Variants in CLDN16 observed in about 807,000 individuals in gnomAD.
The protein encoded by CLDN16 is claudin 16.
CLDN16 carries 13 observed loss-of-function variants against 24.6 expected under a neutral mutation model. The observed-to-expected ratio is 0.53, with a 90% CI of 0.34 to 0.84. CLDN16 has a LOEUF of 0.84. CLDN16 is among the 40% of genes least tolerant of loss of function. The probability of loss-of-function intolerance (pLI) is 0.01; values close to 1 mark genes in which losing one functional copy is unlikely to be tolerated. For missense variants in CLDN16, 298 were observed against 292.7 expected (o/e 1.02, Z -0.13); for synonymous variants, 116 against 106.7 (o/e 1.09, Z -0.54).
the CLDN16 span, among the ~76,000 whole-genome samples, chr3:190,301,620 C>A: frequency 6.6e-6 from 1 of 152,182 alleles, no homozygotes; most frequent in Admixed American, 6.5e-5. Context: ...CTGCTCCATC[C>A]TATGAATTTC....
chr3:190,384,614 C>G (rs189285862), upstream of CLDN16, among the ~76,000 whole-genome samples: 7 of 152,210 alleles, frequency 4.6e-5, no homozygotes, highest in East Asian at 1.9e-4. Context: ...AAATCAATAG[C>G]CCTGGAGCTG....
chr3:190,331,603 C>T (rs1435272607), intron 1 of CLDN16, among the ~76,000 whole-genome samples: 1 of 152,128 alleles, frequency 6.6e-6, no homozygotes, highest in Non-Finnish European at 1.5e-5. Context: ...ATTCTGCCAC[C>T]TCACGTACTT....
At chr3:190,348,146 T>G (rs1717593001) in intron 1 of CLDN16, among the ~76,000 whole-genome samples, 1 of 147,014 alleles carries the variant, frequency 6.8e-6, no homozygotes, top group Non-Finnish European at 1.5e-5. Flanking sequence ...TCCCAGCTAC[T>G]CGGGCGGCTG....
chr3:190,388,240 C>A lies in CLDN16; in HGVS notation c.-90C>A. On this transcript the variant is annotated 5_prime_UTR_variant, in exon 1 of 5. Transcript: ENST00000264734. ...ACCAGTATTTTCACATTGCCAGGTA[C>A]CAGAAACACAGAAGACTGACACCCG... 6.2e-7 allele frequency: 1 copy of A among 1,613,948 alleles called. No individual in the cohort carries two copies. Among genetic ancestry groups the A allele is most frequent in the Non-Finnish European group, 8.5e-7 (1 of 1,179,974 alleles).
intron 1 of CLDN16, among the ~76,000 whole-genome samples, chr3:190,388,788 A>C (rs1294829337): frequency 6.6e-6 from 1 of 152,194 alleles, no homozygotes; most frequent in Non-Finnish European, 1.5e-5. Flanking sequence ...ACATTTCAGT[A>C]CCACCCTTTT....
chr3:190,358,444 A>G (rs542677381), intron 1 of CLDN16, among the ~76,000 whole-genome samples: 10 of 152,024 alleles, frequency 6.6e-5, no homozygotes, highest in African/African-American at 2.4e-4. Flanking sequence ...TAAAAATCAG[A>G]CTCGTCCCTC....
At chr3:190,291,254 A>T in the CLDN16 span, among the ~76,000 whole-genome samples, 1 of 152,180 alleles carries the variant, frequency 6.6e-6, no homozygotes, top group African/African-American at 2.4e-5. Flanking sequence ...AAGGCCATGT[A>T]TTAGTCTGTT....
intron 1 of CLDN16, among the ~76,000 whole-genome samples, chr3:190,343,607 A>G (rs1717485538): frequency 6.6e-6 from 1 of 152,136 alleles, no homozygotes; most frequent in Non-Finnish European, 1.5e-5. Flanking sequence ...ATATACAAAG[A>G]AATATTATTC....
intron 1 of CLDN16, among the ~76,000 whole-genome samples, chr3:190,336,003 C>T (rs562081936): frequency 8.6e-5 from 13 of 152,034 alleles, no homozygotes; most frequent in African/African-American, 2.4e-4. Context: ...TTGGAGATGC[C>T]GTAGCTTTTA....
chr3:190,323,056 G>A (rs1319909188), intron 1 of CLDN16, among the ~76,000 whole-genome samples: 1 of 140,660 alleles, frequency 7.1e-6, no homozygotes, highest in Non-Finnish European at 1.5e-5. Flanking sequence ...AGCATATCCA[G>A]TACTTGGCTC....
chr3:190,312,096 A>G, the CLDN16 span, among the ~76,000 whole-genome samples: 519 of 151,074 alleles, frequency 3.4e-3, 1 homozygote, highest in African/African-American at 0.012. Flanking sequence ...ACACCCAGCT[A>G]ATTTTTGTGT....
chr3:190,377,203 A>G (rs1316066715), intron 3 of CLDN16, among the ~76,000 whole-genome samples: 1 of 151,980 alleles, frequency 6.6e-6, no homozygotes, highest in African/African-American at 2.4e-5. Context: ...CCAGCTTGGG[A>G]AAGATCTGCA....
At chr3:190,346,341 T>C (rs546469192) in intron 1 of CLDN16, among the ~76,000 whole-genome samples, 3 of 152,260 alleles carry the variant, frequency 2.0e-5, no homozygotes, top group Admixed American at 2.0e-4. Flanking sequence ...ACAGGGAATT[T>C]TGAACTGTTT....
intron 1 of CLDN16, among the ~76,000 whole-genome samples, chr3:190,326,798 C>T (rs1051850399): frequency 2.6e-5 from 4 of 152,136 alleles, no homozygotes; most frequent in African/African-American, 9.7e-5. Flanking sequence ...AGCCATAAAA[C>T]CTTCTGTTTC....
the CLDN16 span, chr3:190,313,059 A>G: frequency 5.6e-6 from 9 of 1,613,862 alleles, no homozygotes; most frequent in Non-Finnish European, 7.6e-6. Flanking sequence ...ATTTTAAAAC[A>G]TGTAAAAATA....
intron 1 of CLDN16, among the ~76,000 whole-genome samples, chr3:190,334,727 A>G (rs1717259817): frequency 6.6e-6 from 1 of 152,202 alleles, no homozygotes. Flanking sequence ...CCCAGGTGCT[A>G]CAGGTATTGG....
intron 1 of CLDN16, among the ~76,000 whole-genome samples, chr3:190,395,569 A>G (rs1560095961): frequency 6.6e-6 from 1 of 152,070 alleles, no homozygotes; most frequent in Non-Finnish European, 1.5e-5. Flanking sequence ...ATTTACTACA[A>G]TATTATTAAA....
chr3:190,359,172 TCTCCTG>T (rs769931453), intron 1 of CLDN16, among the ~76,000 whole-genome samples: 24 of 152,182 alleles, frequency 1.6e-4, no homozygotes, highest in South Asian at 6.2e-4. Context: ...GTTTTAAGCA[TCTCCTG>T]CAACTGCAAT....
chr3:190,390,856 T>C (rs114586001), intron 1 of CLDN16, among the ~76,000 whole-genome samples: 1,737 of 152,224 alleles, frequency 0.011, 30 homozygotes, highest in African/African-American at 0.04. Flanking sequence ...TGTGATCATA[T>C]CTCACTGCAG....
Sources: gnomAD v4.1 joint callset for allele counts (sites outside exome capture counted in the v4.1 genomes callset) on GRCh38, gnomAD v4.1.1 for gene constraint, MANE v1.5 for transcripts, NCBI Gene and HGNC (gene_info 2026-07-23, HGNC 2026-07-21) for gene names.